SPOCK3: variants seen among roughly 807,000 people sequenced by gnomAD.
SPOCK3 encodes the protein testican-3.
In SPOCK3, 30 loss-of-function variants were observed where a neutral mutation model predicts 56.6. That is an observed-to-expected ratio of 0.53 (90% confidence interval 0.40 to 0.72). The LOEUF (loss-of-function observed/expected upper bound fraction) is 0.72, where lower values mean the gene tolerates loss of function less well. Ranked by LOEUF, SPOCK3 falls within the 30% of genes least tolerant of loss-of-function variation. The pLI is 0.00. For missense variants in SPOCK3, 527 were observed against 530.0 expected (o/e 0.99, Z 0.06); for synonymous variants, 196 against 183.3 (o/e 1.07, Z -0.56).
At chr4:167,164,601 C>A (rs375171713) in intron 2 of SPOCK3, among the ~76,000 whole-genome samples, 7 of 151,966 alleles carry the variant, frequency 4.6e-5, no homozygotes, top group African/African-American at 1.2e-4. Context: ...TTCCCCCAAC[C>A]CCCACACAGG....
chr4:167,030,095 A>ATTTATCTATCTATCTG (rs1244491621), intron 3 of SPOCK3, among the ~76,000 whole-genome samples: 5 of 148,674 alleles, frequency 3.4e-5, no homozygotes, highest in African/African-American at 1.3e-4. Context: ...CTATCTATCT[A>ATTTATCTATCTATCTG]TCTATCTATC....
chr4:167,212,430 CG>C (rs1734967931), intron 2 of SPOCK3, among the ~76,000 whole-genome samples: 1 of 151,714 alleles, frequency 6.6e-6, no homozygotes. Context: ...TTTGTAGAGC[CG>C]GGGTTTCATC....
intron 6 of SPOCK3, among the ~76,000 whole-genome samples, chr4:166,869,753 C>G (rs999465739): frequency 1.3e-5 from 2 of 151,910 alleles, no homozygotes; most frequent in African/African-American, 4.8e-5. Flanking sequence ...TCTTTTGGCA[C>G]CCTTCAGATA....
intron 4 of SPOCK3, among the ~76,000 whole-genome samples, chr4:166,971,539 A>C (rs1579850429): frequency 6.6e-6 from 1 of 152,098 alleles, no homozygotes; most frequent in East Asian, 1.9e-4. Flanking sequence ...TTTTTCAATT[A>C]ATAATAAAAG....
At chr4:167,022,528 C>A (rs1219459770) in intron 3 of SPOCK3, among the ~76,000 whole-genome samples, 2 of 151,988 alleles carry the variant, frequency 1.3e-5, no homozygotes, top group Non-Finnish European at 2.9e-5. Context: ...GGTGCTGAGC[C>A]ATACTGTTGT....
intron 2 of SPOCK3, among the ~76,000 whole-genome samples, chr4:167,161,200 A>G (rs1427006511): frequency 1.3e-5 from 2 of 152,214 alleles, no homozygotes; most frequent in African/African-American, 4.8e-5. Flanking sequence ...TTTACAAGAA[A>G]AAAACAACCC....
intron 4 of SPOCK3, among the ~76,000 whole-genome samples, chr4:166,977,220 T>C (rs988844901): frequency 5.9e-5 from 9 of 152,220 alleles, no homozygotes; most frequent in African/African-American, 2.2e-4. Context: ...TATAATTTAT[T>C]TATAATCATG....
intron 2 of SPOCK3, among the ~76,000 whole-genome samples, chr4:167,134,022 CTT>C (rs34410893): frequency 0.026 from 2,066 of 80,578 alleles, 19 homozygotes; most frequent in South Asian, 0.057. Flanking sequence ...ACACCTTTTT[CTT>C]TTTTTTTTTT....
intron 2 of SPOCK3, among the ~76,000 whole-genome samples, chr4:167,091,779 T>C (rs1758723135): frequency 6.6e-6 from 1 of 152,218 alleles, no homozygotes; most frequent in African/African-American, 2.4e-5. Context: ...TTTCTCCCTC[T>C]ACTCACTTTC....
At chr4:166,753,246 A>G (rs1736656979) in intron 8 of SPOCK3, among the ~76,000 whole-genome samples, 1 of 152,060 alleles carries the variant, frequency 6.6e-6, no homozygotes, top group Non-Finnish European at 1.5e-5. Flanking sequence ...AAAAGAGTAC[A>G]TGACTACGTG....
At chr4:166,874,636 G>T (rs1306060001) in intron 6 of SPOCK3, among the ~76,000 whole-genome samples, 1 of 152,094 alleles carries the variant, frequency 6.6e-6, no homozygotes, top group Non-Finnish European at 1.5e-5. Context: ...CACATGTGTG[G>T]CCCCTACAAC....
chr4:166,931,811 G>A (rs1475576704), intron 4 of SPOCK3, among the ~76,000 whole-genome samples: 1 of 152,182 alleles, frequency 6.6e-6, no homozygotes, highest in Non-Finnish European at 1.5e-5. Flanking sequence ...GAGAGAAGGA[G>A]CGGCCAGTAT....
chr4:166,875,049 G>C (rs949433862), intron 6 of SPOCK3, among the ~76,000 whole-genome samples: 1 of 151,932 alleles, frequency 6.6e-6, no homozygotes, highest in Non-Finnish European at 1.5e-5. Flanking sequence ...ATAGAGGAGT[G>C]AGTGATCTAC....
At chr4:167,228,533 C>A (rs941104458) in intron 2 of SPOCK3, among the ~76,000 whole-genome samples, 1 of 152,150 alleles carries the variant, frequency 6.6e-6, no homozygotes, top group Non-Finnish European at 1.5e-5. Flanking sequence ...CAGAAACAAG[C>A]AGATCAGTGG....
At chr4:166,777,344 T>C (rs991812108) in intron 7 of SPOCK3, among the ~76,000 whole-genome samples, 4 of 152,206 alleles carry the variant, frequency 2.6e-5, no homozygotes, top group African/African-American at 9.7e-5. Flanking sequence ...ACATTCTTTG[T>C]GCGAGCATGT....
Position 166,737,598 on chromosome 4 carries a change from T to G in SPOCK3, c.1001A>C (p.Tyr334Ser). 3 of 1,609,984 alleles carry G rather than the reference T, an allele frequency of 1.9e-6. No homozygotes were observed. Among genetic ancestry groups the G allele is most frequent in the Non-Finnish European group, 2.5e-6 (3 of 1,178,306 alleles). Residue 334 changes from tyrosine to serine, a missense_variant, in exon 10 of 11, where the codon TAT becomes TCT. Coordinates refer to ENST00000357545, the MANE Select transcript of SPOCK3 (RefSeq NM_001040159.2). ...ACCATCTTCATCACACAGGGGGATA[T>G]ACTGTCCTGTTGAAACAACACACAG... ...RQGVKKLLGQYIPLCDEDGYY... is the reference protein window; with the variant it reads ...RQGVKKLLGQSIPLCDEDGYY...
intron 7 of SPOCK3, among the ~76,000 whole-genome samples, chr4:166,780,137 C>T: frequency 6.6e-6 from 1 of 151,902 alleles, no homozygotes; most frequent in East Asian, 1.9e-4. Context: ...TTCTTGAATC[C>T]ATAAGTGAGT....
chr4:167,013,014 C>A (rs998070524), intron 3 of SPOCK3, among the ~76,000 whole-genome samples: 12 of 151,810 alleles, frequency 7.9e-5, no homozygotes, highest in African/African-American at 2.2e-4. Context: ...TACAGTGAGT[C>A]TTTGGATTGA....
intron 2 of SPOCK3, among the ~76,000 whole-genome samples, chr4:167,141,617 G>A (rs879478157): frequency 1.3e-5 from 2 of 151,906 alleles, no homozygotes; most frequent in Admixed American, 1.3e-4. Flanking sequence ...GTCTTTGCTT[G>A]CACAACACAG....
Sources: gnomAD v4.1 joint callset for allele counts (sites outside exome capture counted in the v4.1 genomes callset) on GRCh38, gnomAD v4.1.1 for gene constraint, MANE v1.5 for transcripts, NCBI Gene and HGNC (gene_info 2026-07-23, HGNC 2026-07-21) for gene names.